The following LIN52 variants were observed in gnomAD, a reference collection of about 807,000 sequenced individuals.
LIN52 encodes lin-52 DREAM MuvB core complex component.
LIN52 carries 4 observed loss-of-function variants against 18.5 expected under a neutral mutation model. The observed-to-expected ratio is 0.22, with a 90% CI of 0.11 to 0.49. LIN52 has a LOEUF of 0.49. Among genes scored for constraint, LIN52 ranks in the 20% least tolerant of loss-of-function variants. The pLI is 0.97. For missense variants in LIN52, 102 were observed against 139.5 expected, an observed-to-expected ratio of 0.73 and a Z score of 1.35; for synonymous variants, 34 against 45.5, an observed-to-expected ratio of 0.75 and a Z score of 1.02.
chr14:74,162,431 G>A (rs1407735504), intron 5 of LIN52, among the ~76,000 whole-genome samples: 2 of 126,756 alleles, frequency 1.6e-5, no homozygotes, highest in South Asian at 2.4e-4. Context: ...AGAGGAAATC[G>A]CCACTGTACT....
chr14:74,130,236 A>G (rs1045278784), intron 5 of LIN52, among the ~76,000 whole-genome samples: 1 of 146,512 alleles, frequency 6.8e-6, no homozygotes, highest in Non-Finnish European at 1.5e-5. Context: ...TTACATGAAC[A>G]CATATTAGGG....
At chr14:74,171,736 CTTTTTTTTT>C (rs534860812) in intron 5 of LIN52, among the ~76,000 whole-genome samples, 2 of 122,682 alleles carry the variant, frequency 1.6e-5, no homozygotes. Context: ...TATTTTAATT[CTTTTTTTTT>C]TTTTTTTTTT....
chr14:74,135,937 A>T (rs1222712828), intron 5 of LIN52, among the ~76,000 whole-genome samples: 2 of 152,176 alleles, frequency 1.3e-5, no homozygotes, highest in Non-Finnish European at 2.9e-5. Context: ...TAGCACACTC[A>T]ACAATAAAAA....
At chr14:74,096,658 A>C (rs1470985829) in intron 3 of LIN52, among the ~76,000 whole-genome samples, 1 of 152,116 alleles carries the variant, frequency 6.6e-6, no homozygotes, top group Non-Finnish European at 1.5e-5. Context: ...ATGTTTCTCA[A>C]CCCTACCTTT....
At chr14:74,166,147 T>A (rs1737754440) in intron 5 of LIN52, among the ~76,000 whole-genome samples, 1 of 151,686 alleles carries the variant, frequency 6.6e-6, no homozygotes, top group African/African-American at 2.4e-5. Flanking sequence ...CACCTCAGCC[T>A]CCCAAAGTGC....
rs2078931881 is a variant in LIN52, at chr14:74,199,047, C to T, written c.*70C>T. 3.7e-6 allele frequency: 4 copies of T among 1,069,076 alleles called. No homozygotes were observed. Among genetic ancestry groups the T allele is most frequent in the Middle Eastern group, 2.0e-4 (1 of 5,080 alleles). The allele number at this position is 1,069,076 out of a possible 1,614,324, so 66.2% of individuals were successfully genotyped here. A position where few individuals can be genotyped will look rare whatever the true frequency, so the allele number is the denominator to read the frequency against. ...CCTTCCCGGTGCACCTCTAACAATG[C>T]ACACCTCACTGCTTGCTTGGGAGAG... On this transcript the variant is annotated 3_prime_UTR_variant, in exon 6 of 6. Coordinates refer to ENST00000555028, the MANE Select transcript of LIN52 (RefSeq NM_001024674.3).
At chr14:74,160,504 G>A (rs1219118040) in intron 5 of LIN52, among the ~76,000 whole-genome samples, 1 of 152,070 alleles carries the variant, frequency 6.6e-6, no homozygotes, top group Non-Finnish European at 1.5e-5. Flanking sequence ...TATGCATATG[G>A]AGATTTCATG....
intron 5 of LIN52, among the ~76,000 whole-genome samples, chr14:74,114,644 G>T (rs371341915): frequency 1.3e-5 from 2 of 152,272 alleles, no homozygotes; most frequent in East Asian, 3.9e-4. Context: ...TTGCTCCTTT[G>T]TAGGCAGGCA....
intron 4 of LIN52, among the ~76,000 whole-genome samples, chr14:74,099,455 A>T (rs2060838581): frequency 6.6e-6 from 1 of 152,218 alleles, no homozygotes; most frequent in African/African-American, 2.4e-5. Flanking sequence ...GTATTTCTTA[A>T]GGCAACTTTA....
intron 5 of LIN52, among the ~76,000 whole-genome samples, chr14:74,154,503 C>T (rs1206391046): frequency 1.3e-5 from 2 of 152,040 alleles, no homozygotes; most frequent in East Asian, 1.9e-4. Context: ...ATCATTTTTC[C>T]GAAGCAGCCA....
At chr14:74,195,641 G>A (rs1197573646) in intron 5 of LIN52, among the ~76,000 whole-genome samples, 1 of 152,102 alleles carries the variant, frequency 6.6e-6, no homozygotes, top group Admixed American at 6.6e-5. Flanking sequence ...ATGGGATTTT[G>A]TAGCAGTATG....
chr14:74,099,839 C>G (rs1428787655), intron 4 of LIN52, among the ~76,000 whole-genome samples: 1 of 152,028 alleles, frequency 6.6e-6, no homozygotes, highest in East Asian at 1.9e-4. Context: ...CTGGGTGGTA[C>G]CAACTGATCC....
At chr14:74,099,027 G>A (rs533077982) in intron 4 of LIN52, among the ~76,000 whole-genome samples, 1 of 152,072 alleles carries the variant, frequency 6.6e-6, no homozygotes, top group African/African-American at 2.4e-5. Flanking sequence ...AGTGAATATT[G>A]TTGTTTGATA....
intron 5 of LIN52, among the ~76,000 whole-genome samples, chr14:74,166,256 G>A (rs1251405265): frequency 1.3e-5 from 2 of 151,274 alleles, no homozygotes; most frequent in African/African-American, 4.9e-5. Context: ...TGCTCTCGTT[G>A]CCCAGGTTGG....
chr14:74,101,010 TG>T, intron 4 of LIN52, 144 bp from the exon 5 acceptor site: 1 of 673,684 alleles, frequency 1.5e-6, no homozygotes, highest in Non-Finnish European at 2.6e-6. Context: ...TGTTTAAGAT[TG>T]GGGGAGGAGT....
At chr14:74,191,052 C>A (rs1475141779) in intron 5 of LIN52, among the ~76,000 whole-genome samples, 1 of 152,194 alleles carries the variant, frequency 6.6e-6, no homozygotes, top group Non-Finnish European at 1.5e-5. Flanking sequence ...CTGTGGAGAT[C>A]TGACACTGAG....
Position 74,091,401 on chromosome 14 carries a change from T to G in LIN52, c.94+95T>G, listed in dbSNP as rs969591158. ...AAAGAGTTATTTATTTTGTAAATTT[T>G]TATTTATTTTGAAGCTAGTCAAATT... On this transcript the variant is annotated intron_variant, in intron 2 of 5. Coordinates refer to ENST00000555028, the MANE Select transcript of LIN52 (RefSeq NM_001024674.3). 37 of 926,590 alleles carry G rather than the reference T, an allele frequency of 4.0e-5. 1 individual carries two copies. Among genetic ancestry groups the G allele is most frequent in the Non-Finnish European group, 5.7e-5 (36 of 626,584 alleles). 57.4% of individuals were successfully genotyped at this position (926,590 alleles called of 1,614,324 possible). A position where few individuals can be genotyped will look rare whatever the true frequency, so the allele number is the denominator to read the frequency against.
intron 5 of LIN52, among the ~76,000 whole-genome samples, chr14:74,194,209 A>G (rs2078896805): frequency 6.6e-6 from 1 of 152,160 alleles, no homozygotes; most frequent in Non-Finnish European, 1.5e-5. Flanking sequence ...GCCTCTGGTA[A>G]TCCCTCATCC....
chr14:74,175,721 C>CACACACACAT, intron 5 of LIN52, among the ~76,000 whole-genome samples: 1 of 138,346 alleles, frequency 7.2e-6, no homozygotes, highest in Non-Finnish European at 1.6e-5. Flanking sequence ...TACACACACA[C>CACACACACAT]ACACACACAC....
Sources: gnomAD v4.1 joint callset for allele counts (sites outside exome capture counted in the v4.1 genomes callset) on GRCh38, gnomAD v4.1.1 for gene constraint, MANE v1.5 for transcripts, NCBI Gene and HGNC (gene_info 2026-07-23, HGNC 2026-07-21) for gene names.